SLC24A2: variants seen among roughly 807,000 people sequenced by gnomAD.
SLC24A2 encodes the protein sodium/potassium/calcium exchanger 2.
Under a neutral mutation model 62.0 loss-of-function variants are expected in SLC24A2, and 36 were observed. The observed-to-expected ratio is 0.58, with a 90% confidence interval of 0.44 to 0.77. The LOEUF (loss-of-function observed/expected upper bound fraction) is 0.77. Among genes scored for constraint, SLC24A2 ranks in the 30% least tolerant of loss-of-function variants. The pLI, the probability that SLC24A2 is intolerant of heterozygous loss-of-function variation, is 0.00. For missense variants in SLC24A2, 846 were observed against 817.9 expected, an observed-to-expected ratio of 1.03 and a Z score of -0.42; for synonymous variants, 358 against 294.0, an observed-to-expected ratio of 1.22 and a Z score of -2.23.
the SLC24A2 span, among the ~76,000 whole-genome samples, chr9:19,836,227 A>G: frequency 6.6e-6 from 1 of 152,230 alleles, no homozygotes; most frequent in African/African-American, 2.4e-5. Context: ...AACTAAGATC[A>G]GAGCAGAACT....
At chr9:19,864,408 A>G in the SLC24A2 span, among the ~76,000 whole-genome samples, 1 of 152,012 alleles carries the variant, frequency 6.6e-6, no homozygotes, top group African/African-American at 2.4e-5. Flanking sequence ...CAAACACTAC[A>G]GGTCAATGTA....
the SLC24A2 span, among the ~76,000 whole-genome samples, chr9:19,881,723 CAG>C: frequency 5.3e-5 from 8 of 152,140 alleles, no homozygotes; most frequent in Admixed American, 4.6e-4. Context: ...TTGCTGTAGA[CAG>C]AGTCAAATTT....
At chr9:19,572,779 A>G (rs1835877623) in intron 7 of SLC24A2, among the ~76,000 whole-genome samples, 1 of 152,248 alleles carries the variant, frequency 6.6e-6, no homozygotes, top group Non-Finnish European at 1.5e-5. Context: ...TACAACTACT[A>G]GACTGAAAAG....
intron 8 of SLC24A2, among the ~76,000 whole-genome samples, chr9:19,532,332 A>AT (rs1412594402): frequency 6.6e-6 from 1 of 152,072 alleles, no homozygotes; most frequent in Non-Finnish European, 1.5e-5. Context: ...CCAACCTCAG[A>AT]TGATCCTCCT....
At chr9:19,956,979 C>T in the SLC24A2 span, among the ~76,000 whole-genome samples, 37 of 152,308 alleles carry the variant, frequency 2.4e-4, no homozygotes, top group African/African-American at 7.9e-4. Context: ...TTGGACTTCC[C>T]AGCCTCCGGA....
the SLC24A2 span, among the ~76,000 whole-genome samples, chr9:19,947,515 G>T: frequency 6.6e-6 from 1 of 152,026 alleles, no homozygotes; most frequent in East Asian, 1.9e-4. Flanking sequence ...GTTCGGCCGG[G>T]TGTGGTGGCT....
chr9:19,541,989 C>T (rs1834287738), intron 8 of SLC24A2, among the ~76,000 whole-genome samples: 1 of 152,208 alleles, frequency 6.6e-6, no homozygotes, highest in African/African-American at 2.4e-5. Flanking sequence ...TCTGTCACCC[C>T]TTTCTTTGAC....
intron 5 of SLC24A2, among the ~76,000 whole-genome samples, chr9:19,588,098 C>G (rs575855003): frequency 7.0e-4 from 106 of 152,024 alleles, no homozygotes; most frequent in Non-Finnish European, 1.4e-3. Flanking sequence ...GATCCAGCCC[C>G]AGGGAGATGC....
At chr9:19,761,069 T>C (rs554508942) in intron 2 of SLC24A2, among the ~76,000 whole-genome samples, 13 of 152,116 alleles carry the variant, frequency 8.5e-5, no homozygotes, top group Non-Finnish European at 1.8e-4. Flanking sequence ...AATAAAAAAA[T>C]AAATTAAATT....
chr9:19,998,796 G>C, the SLC24A2 span, among the ~76,000 whole-genome samples: 1 of 152,212 alleles, frequency 6.6e-6, no homozygotes, highest in African/African-American at 2.4e-5. Context: ...TTCAGATTTT[G>C]TGTGCTTGAT....
At position 19,636,330 on chromosome 9, in the gene SLC24A2, T is replaced by TTCTTTTCTTTTCTTTTC. The variant is rs1491510974; in HGVS notation, c.931-14032_931-14031insGAAAAGAAAAGAAAAGA. Among the ~76,000 whole-genome samples the TTCTTTTCTTTTCTTTTC allele has an allele frequency of 1.0e-3, 31 of 30,244 alleles. 2 individuals carry two copies. The highest frequency in any genetic ancestry group is 1.4e-3 in the Non-Finnish European group (21 of 14,736). The allele number at this position is 30,244 out of a possible 152,430, so 19.8% of individuals were successfully genotyped here. On this transcript the variant is annotated intron_variant, in intron 2 of 10. Transcript: ENST00000341998. ...TTTTCTTTTCTTTTCTTTCTTTCTT[T>TTCTTTTCTTTTCTTTTC]CTTTCTTTCTTTCTTTCTTTCTTTC...
chr9:19,576,506 C>A lies in SLC24A2; in HGVS notation c.1228+418G>T, dbSNP rs549141873. Among the ~76,000 whole-genome samples, 8 of 152,284 alleles carry A rather than the reference C, an allele frequency of 5.3e-5. 1 individual carries two copies. Among genetic ancestry groups the A allele is most frequent in the Admixed American group, 5.2e-4 (8 of 15,302 alleles). ...TAAGCAATATCACAGGTATAAAAAT[C>A]TGGTTACCAGTCAAGACTTACAGAA... On this transcript the variant is annotated intron_variant, in intron 6 of 10. Coordinates refer to ENST00000341998, the MANE Select transcript of SLC24A2 (RefSeq NM_020344.4).
At chr9:20,162,863 G>A in the SLC24A2 span, among the ~76,000 whole-genome samples, 1 of 152,034 alleles carries the variant, frequency 6.6e-6, no homozygotes, top group Non-Finnish European at 1.5e-5. Flanking sequence ...CACATAATCA[G>A]CACCAAAGAC....
chr9:20,217,939 T>A, the SLC24A2 span, among the ~76,000 whole-genome samples: 1 of 152,196 alleles, frequency 6.6e-6, no homozygotes, highest in Non-Finnish European at 1.5e-5. Context: ...TATATGCGTT[T>A]TCCAATGAAC....
chr9:19,822,902 A>G, the SLC24A2 span, among the ~76,000 whole-genome samples: 1 of 152,112 alleles, frequency 6.6e-6, no homozygotes, highest in African/African-American at 2.4e-5. Context: ...GCTGGAGAAG[A>G]AAGGCCTCCA....
the SLC24A2 span, among the ~76,000 whole-genome samples, chr9:20,217,250 T>C: frequency 6.6e-6 from 1 of 152,130 alleles, no homozygotes; most frequent in African/African-American, 2.4e-5. Flanking sequence ...ATATATAAAA[T>C]TTAAAACCAG....
At chr9:19,912,334 C>G in the SLC24A2 span, among the ~76,000 whole-genome samples, 1 of 152,114 alleles carries the variant, frequency 6.6e-6, no homozygotes, top group African/African-American at 2.4e-5. Context: ...TGATGGGTAG[C>G]ATTTGAATGT....
chr9:19,827,714 G>A, the SLC24A2 span, among the ~76,000 whole-genome samples: 1 of 152,196 alleles, frequency 6.6e-6, no homozygotes, highest in African/African-American at 2.4e-5. Context: ...TTACAATCAA[G>A]GGAATAAGAT....
chr9:19,918,140 A>ATG, the SLC24A2 span, among the ~76,000 whole-genome samples: 51,717 of 147,728 alleles, frequency 0.35, 9,704 homozygotes, highest in Non-Finnish European at 0.45. Flanking sequence ...AACTGACATT[A>ATG]TGTGTGTGTG....
Sources: allele counts gnomAD v4.1 joint callset (sites outside exome capture counted in the v4.1 genomes callset), GRCh38; gene constraint gnomAD v4.1.1; transcripts MANE v1.5; gene names NCBI Gene and HGNC (gene_info 2026-07-23, HGNC 2026-07-21).